WNT7A: variants seen among roughly 807,000 people sequenced by gnomAD.
The protein encoded by WNT7A is Wnt family member 7A.
Under a neutral mutation model 28.2 loss-of-function variants are expected in WNT7A, and 16 were observed. The observed-to-expected ratio is 0.57, with a 90% CI of 0.38 to 0.86. WNT7A has a LOEUF of 0.86. Ranked by LOEUF, WNT7A falls within the 40% of genes least tolerant of loss-of-function variation. WNT7A has a pLI of 0.00. For synonymous variants in WNT7A, 190 were observed against 195.9 expected, an observed-to-expected ratio of 0.97 and a Z score of 0.25; for missense variants, 411 against 489.7, an observed-to-expected ratio of 0.84 and a Z score of 1.52.
At chr3:13,850,816 G>A (rs1559301323) in intron 3 of WNT7A, among the ~76,000 whole-genome samples, 1 of 152,058 alleles carries the variant, frequency 6.6e-6, no homozygotes, top group Non-Finnish European at 1.5e-5. Flanking sequence ...TTTCGCAGCT[G>A]CCCAGGCTTC....
At chr3:13,853,535 A>G (rs557591119) in intron 3 of WNT7A, among the ~76,000 whole-genome samples, 9 of 151,492 alleles carry the variant, frequency 5.9e-5, no homozygotes, top group Non-Finnish European at 1.2e-4. Flanking sequence ...GGCTGCTTCC[A>G]CCTCCTTTCC....
At chr3:13,845,259 T>G (rs1432794257) in intron 3 of WNT7A, among the ~76,000 whole-genome samples, 1 of 152,116 alleles carries the variant, frequency 6.6e-6, no homozygotes, top group African/African-American at 2.4e-5. Context: ...TTCAGGCCCC[T>G]TAGTAGTCAA....
intron 2 of WNT7A, among the ~76,000 whole-genome samples, chr3:13,864,380 A>G (rs1176975107): frequency 6.6e-6 from 1 of 151,968 alleles, no homozygotes; most frequent in Non-Finnish European, 1.5e-5. Context: ...CCTCGTGCCA[A>G]GCCACTCTGG....
intron 2 of WNT7A, among the ~76,000 whole-genome samples, chr3:13,858,678 C>T (rs1694785436): frequency 6.6e-6 from 1 of 152,166 alleles, no homozygotes; most frequent in Admixed American, 6.5e-5. Flanking sequence ...TCAGCACCCA[C>T]TGCCCCTGAC....
At chr3:13,856,880 G>GAAGAAAAAGAAGAAGAA (rs1694740060) in intron 2 of WNT7A, among the ~76,000 whole-genome samples, 1 of 91,672 alleles carries the variant, frequency 1.1e-5, no homozygotes, top group Non-Finnish European at 2.1e-5. Flanking sequence ...AGGAAGAAGA[G>GAAGAAAAAGAAGAAGAA]GAAGAAGAAG....
Position 13,856,458 on chromosome 3 carries a change from G to C in WNT7A, c.299-1655C>G, listed in dbSNP as rs1694731004. 2.6e-5 allele frequency among the ~76,000 whole-genome samples: 4 copies of C among 152,270 alleles called. No individual in the cohort carries two copies. In the South Asian group the frequency reaches 6.2e-4, roughly 24 times the overall value. ...AGCTCAACTTTGGGGGTCGGGAAAG[G>C]GTATTATTTTAGCACCTACCGGGCT... On this transcript the variant is annotated intron_variant, in intron 2 of 3. Transcript: ENST00000285018.
At chr3:13,876,488 T>TG (rs1695113041) in intron 1 of WNT7A, among the ~76,000 whole-genome samples, 1 of 152,144 alleles carries the variant, frequency 6.6e-6, no homozygotes, top group Non-Finnish European at 1.5e-5. Context: ...TTAGGGTTGG[T>TG]GGTGGCTTGG....
chr3:13,826,957 A>G (rs952451955), intron 3 of WNT7A, among the ~76,000 whole-genome samples: 2 of 152,226 alleles, frequency 1.3e-5, no homozygotes, highest in African/African-American at 4.8e-5. Flanking sequence ...GCAGATGGAA[A>G]GAAACAGAGC....
chr3:13,868,803 AG>A, intron 2 of WNT7A, among the ~76,000 whole-genome samples: 1 of 56,120 alleles, frequency 1.8e-5, no homozygotes, highest in East Asian at 3.1e-3. Flanking sequence ...GGAGAGAGAG[AG>A]AAAGAAAGAG....
At chr3:13,842,783 G>A (rs1172542992) in intron 3 of WNT7A, among the ~76,000 whole-genome samples, 1 of 152,204 alleles carries the variant, frequency 6.6e-6, no homozygotes, top group East Asian at 1.9e-4. Context: ...GAGTGCTCAT[G>A]GGCCAGTAGA....
intron 3 of WNT7A, among the ~76,000 whole-genome samples, chr3:13,840,173 C>G (rs1403678882): frequency 1.3e-5 from 2 of 152,226 alleles, no homozygotes; most frequent in African/African-American, 4.8e-5. Context: ...CTCATTTCCT[C>G]ACTTCCTGTT....
At chr3:13,864,883 T>C (rs1211603891) in intron 2 of WNT7A, among the ~76,000 whole-genome samples, 1 of 152,248 alleles carries the variant, frequency 6.6e-6, no homozygotes, top group Non-Finnish European at 1.5e-5. Flanking sequence ...CTGAATTTTA[T>C]GCATGATTGA....
chr3:13,831,525 G>A (rs916482358), intron 3 of WNT7A, among the ~76,000 whole-genome samples: 4 of 152,188 alleles, frequency 2.6e-5, no homozygotes, highest in African/African-American at 9.7e-5. Context: ...GGGCTGGCTT[G>A]TGTAGTGGAC....
intron 3 of WNT7A, among the ~76,000 whole-genome samples, chr3:13,854,320 C>T (rs3762720): frequency 6.6e-6 from 1 of 151,704 alleles, no homozygotes; most frequent in Non-Finnish European, 1.5e-5. Flanking sequence ...CGTCTTAAGG[C>T]AGACTCAATT....
intron 2 of WNT7A, among the ~76,000 whole-genome samples, chr3:13,859,622 T>C (rs1430681940): frequency 6.6e-6 from 1 of 152,206 alleles, no homozygotes; most frequent in Non-Finnish European, 1.5e-5. Context: ...CCATGACCCC[T>C]GTCCCTCTCG....
intron 3 of WNT7A, among the ~76,000 whole-genome samples, chr3:13,843,410 G>A (rs1025361695): frequency 6.6e-6 from 1 of 152,128 alleles, no homozygotes; most frequent in East Asian, 1.9e-4. Context: ...GGAAACTGAG[G>A]CTTGAGAAGG....
Position 13,875,083 on chromosome 3 carries a change from G to A in WNT7A, c.162C>T (p.Ser54=), listed in dbSNP as rs1462726385. 2 of 1,614,222 alleles carry A rather than the reference G, an allele frequency of 1.2e-6. No homozygotes were observed. The highest frequency in any genetic ancestry group is 1.7e-6 in the Non-Finnish European group (2 of 1,180,040). Residue 54 remains serine, a synonymous_variant, in exon 2 of 4, where the codon AGC becomes AGT. Transcript: ENST00000285018. ...LAPRQRAICQ[S]RPDAIIVIGE... ...CTATGACGATGATGGCGTCGGGCCGGCTCTGGCAGATCGCCCGCTGTCTGG... is the reference window on the plus strand; with the variant it reads ...CTATGACGATGATGGCGTCGGGCCGACTCTGGCAGATCGCCCGCTGTCTGG...
At chr3:13,848,351 G>A (rs1368576) in intron 3 of WNT7A, among the ~76,000 whole-genome samples, 90,135 of 152,058 alleles carry the variant, frequency 0.59, 27,032 homozygotes, top group East Asian at 0.81. Context: ...GGCTGCTAGA[G>A]TATATAAAGA....
chr3:13,867,275 G>A (rs78664077), intron 2 of WNT7A, among the ~76,000 whole-genome samples: 8,778 of 152,126 alleles, frequency 0.058, 423 homozygotes, highest in South Asian at 0.19. Context: ...ATGCAAACCC[G>A]GCCATGTGAC....
Sources: gnomAD v4.1 joint callset for allele counts (sites outside exome capture counted in the v4.1 genomes callset) on GRCh38, gnomAD v4.1.1 for gene constraint, MANE v1.5 for transcripts, NCBI Gene and HGNC (gene_info 2026-07-23, HGNC 2026-07-21) for gene names.